Variants in RANBP17 observed in about 807,000 individuals in gnomAD.
The protein encoded by RANBP17 is RAN binding protein 17.
In RANBP17, 158 loss-of-function variants were observed where a neutral mutation model predicts 141.2. That is an observed-to-expected ratio of 1.12 (90% CI 0.98 to 1.28). The LOEUF (loss-of-function observed/expected upper bound fraction) is 1.28. Ranked by LOEUF, RANBP17 falls within the 50% of genes most tolerant of loss-of-function variation. RANBP17 has a pLI of 0.00. For synonymous variants in RANBP17, 430 were observed against 450.0 expected, an observed-to-expected ratio of 0.96 and a Z score of 0.56; for missense variants, 1,438 against 1,290.7, an observed-to-expected ratio of 1.11 and a Z score of -1.75.
At chr5:170,871,238 A>G (rs1234661169) in intron 1 of RANBP17, among the ~76,000 whole-genome samples, 5 of 152,016 alleles carry the variant, frequency 3.3e-5, no homozygotes, top group Admixed American at 3.3e-4. Context: ...TAGTAGAGAC[A>G]GGGTTTCACT....
At chr5:171,137,606 CTG>C (rs1235455020) in intron 14 of RANBP17, among the ~76,000 whole-genome samples, 17 of 62,658 alleles carry the variant, frequency 2.7e-4, no homozygotes, top group African/African-American at 6.4e-4. Context: ...GTGTGTGTGT[CTG>C]TGTGTGTGTG....
At chr5:170,881,461 T>C (rs1768683039) in intron 2 of RANBP17, among the ~76,000 whole-genome samples, 1 of 152,148 alleles carries the variant, frequency 6.6e-6, no homozygotes, top group Non-Finnish European at 1.5e-5. Flanking sequence ...TGGAATCAGA[T>C]GAATTTGAAG....
At chr5:171,156,388 C>T (rs1240980664) in intron 14 of RANBP17, among the ~76,000 whole-genome samples, 1 of 151,992 alleles carries the variant, frequency 6.6e-6, no homozygotes, top group Non-Finnish European at 1.5e-5. Context: ...TCCTTGAGTA[C>T]CATTTTGATG....
intron 21 of RANBP17, among the ~76,000 whole-genome samples, chr5:171,217,938 A>C (rs1221350815): frequency 6.6e-6 from 1 of 151,576 alleles, no homozygotes; most frequent in Non-Finnish European, 1.5e-5. Context: ...CTAGCTTTTG[A>C]ATTTGTTTGC....
chr5:171,086,278 G>A (rs962091231), intron 14 of RANBP17, among the ~76,000 whole-genome samples: 50 of 144,876 alleles, frequency 3.5e-4, no homozygotes, highest in East Asian at 1.1e-3. Context: ...ATTGATTTGC[G>A]TATATTGAAC....
chr5:171,071,472 G>A (rs1314328838), intron 14 of RANBP17, among the ~76,000 whole-genome samples: 1 of 151,922 alleles, frequency 6.6e-6, no homozygotes, highest in Non-Finnish European at 1.5e-5. Flanking sequence ...GGCTACATAA[G>A]TCAAGCCAGT....
At chr5:171,043,192 A>C (rs1561585544) in intron 14 of RANBP17, among the ~76,000 whole-genome samples, 1 of 152,208 alleles carries the variant, frequency 6.6e-6, no homozygotes, top group Non-Finnish European at 1.5e-5. Context: ...ATTCTTCTTT[A>C]AGAAAACCTA....
At chr5:171,056,697 G>A (rs1783399987) in intron 14 of RANBP17, among the ~76,000 whole-genome samples, 1 of 152,086 alleles carries the variant, frequency 6.6e-6, no homozygotes, top group Admixed American at 6.6e-5. Context: ...AATTAGGTTA[G>A]AAAAGACATC....
At chr5:171,215,599 A>T (rs1763166898) in intron 21 of RANBP17, among the ~76,000 whole-genome samples, 1 of 152,100 alleles carries the variant, frequency 6.6e-6, no homozygotes, top group Admixed American at 6.6e-5. Context: ...CGCCATTCTA[A>T]TGGGCATGAG....
chr5:170,877,557 C>A (rs944509428), intron 1 of RANBP17, among the ~76,000 whole-genome samples: 1 of 152,098 alleles, frequency 6.6e-6, no homozygotes, highest in Non-Finnish European at 1.5e-5. Context: ...TCACCATGCC[C>A]GGCCTTAAAT....
intron 14 of RANBP17, among the ~76,000 whole-genome samples, chr5:171,130,286 C>G (rs1461362961): frequency 6.6e-6 from 1 of 152,086 alleles, no homozygotes; most frequent in Non-Finnish European, 1.5e-5. Context: ...GGAATAAGCA[C>G]AGGAGAAGAA....
At chr5:171,240,665 A>G (rs960982535) in intron 22 of RANBP17, among the ~76,000 whole-genome samples, 3 of 152,236 alleles carry the variant, frequency 2.0e-5, no homozygotes, top group African/African-American at 4.8e-5. Context: ...ATATCTATGT[A>G]TACATCTGTG....
At chr5:171,193,391 G>C (rs1761774048) in intron 18 of RANBP17, among the ~76,000 whole-genome samples, 1 of 150,884 alleles carries the variant, frequency 6.6e-6, no homozygotes, top group African/African-American at 2.4e-5. Flanking sequence ...CACTTTGTAT[G>C]AATTTAATTA....
chr5:171,083,935 G>C (rs1193643740), intron 14 of RANBP17, among the ~76,000 whole-genome samples: 2 of 149,080 alleles, frequency 1.3e-5, no homozygotes, highest in East Asian at 2.0e-4. Flanking sequence ...TCATTCTTTT[G>C]TAAATTGCCC....
At chr5:171,159,848 G>A (rs904006523) in intron 14 of RANBP17, among the ~76,000 whole-genome samples, 1 of 150,256 alleles carries the variant, frequency 6.7e-6, no homozygotes, top group Non-Finnish European at 1.5e-5. Context: ...ATGTGAACCC[G>A]GGAGGCAGAG....
intron 14 of RANBP17, among the ~76,000 whole-genome samples, chr5:171,097,464 C>T (rs545481392): frequency 1.3e-5 from 2 of 151,970 alleles, no homozygotes; most frequent in South Asian, 4.2e-4. Context: ...TAAGTGTATA[C>T]AGTTAGATAC....
Position 170,926,314 on chromosome 5 carries a change from A to C in RANBP17, c.1468+1764A>C, listed in dbSNP as rs117640254. On this transcript the variant is annotated intron_variant, in intron 12 of 27. Coordinates refer to ENST00000523189, the MANE Select transcript of RANBP17 (RefSeq NM_022897.5). ...GCTGACCTGGACCTAGATTCTTGCC[A>C]GCAGCTCGTATTATTATACCTGCAT... Among the ~76,000 whole-genome samples, 9 of 152,282 alleles carry C rather than the reference A, an allele frequency of 5.9e-5. No individual in the cohort carries two copies. In the East Asian group the frequency reaches 1.7e-3, roughly 29 times the overall value.
chr5:171,171,288 T>C lies in RANBP17; in HGVS notation c.1865+2T>C, dbSNP rs779017110. ...GTTCCTAAATGACCTTTCTGTTGGA[T>C]ATCCTTTTCACTGTATATCTGACAT... On this transcript the variant is annotated splice_donor_variant, in intron 16 of 27. Coordinates refer to ENST00000523189, the MANE Select transcript of RANBP17 (RefSeq NM_022897.5). LOFTEE classifies it high-confidence loss of function. 4 of 1,535,824 alleles carry C rather than the reference T, an allele frequency of 2.6e-6. No homozygotes were observed. The highest frequency in any genetic ancestry group is 3.6e-6 in the Non-Finnish European group (4 of 1,114,300).
intron 14 of RANBP17, among the ~76,000 whole-genome samples, chr5:170,973,586 T>C (rs890877224): frequency 2.0e-5 from 3 of 152,116 alleles, no homozygotes; most frequent in Admixed American, 2.0e-4. Context: ...TTTCTGTGAA[T>C]AAATAAGAGA....
Sources: allele counts gnomAD v4.1 joint callset (sites outside exome capture counted in the v4.1 genomes callset), GRCh38; gene constraint gnomAD v4.1.1; transcripts MANE v1.5; gene names NCBI Gene and HGNC (gene_info 2026-07-23, HGNC 2026-07-21).